SVOPL: variants seen among roughly 807,000 people sequenced by gnomAD.
SVOPL encodes the protein SVOP like, also known as putative transporter SVOPL.
SVOPL carries 60 observed loss-of-function variants against 61.0 expected under a neutral mutation model. The ratio of observed to expected loss-of-function variants is 0.98; its 90% CI spans 0.80 to 1.22. The LOEUF (loss-of-function observed/expected upper bound fraction) is 1.22. Ranked by LOEUF, SVOPL falls within the 50% of genes most tolerant of loss-of-function variation. The probability of loss-of-function intolerance (pLI) is 0.00; values close to 1 mark genes in which losing one functional copy is unlikely to be tolerated. For synonymous variants in SVOPL, 279 were observed against 250.0 expected, an observed-to-expected ratio of 1.12 and a Z score of -1.09; for missense variants, 662 against 643.9, an observed-to-expected ratio of 1.03 and a Z score of -0.30.
intron 1 of SVOPL, among the ~76,000 whole-genome samples, chr7:138,681,274 T>C (rs1476737270): frequency 6.7e-6 from 1 of 148,212 alleles, no homozygotes; most frequent in East Asian, 1.9e-4. Context: ...CCAGGCACTT[T>C]AGGTGACAAA....
chr7:138,603,937 C>G (rs1417502646), intron 14 of SVOPL, among the ~76,000 whole-genome samples: 1 of 145,368 alleles, frequency 6.9e-6, no homozygotes, highest in Non-Finnish European at 1.5e-5. Context: ...ATTTCTGTCT[C>G]AAAAACCTTA....
chr7:138,622,250 CTATGT>C (rs1563096761), intron 13 of SVOPL, among the ~76,000 whole-genome samples: 1 of 73,476 alleles, frequency 1.4e-5, no homozygotes, highest in Non-Finnish European at 2.9e-5. Flanking sequence ...ATCTATCTAT[CTATGT>C]ATCTATCTAT....
intron 14 of SVOPL, among the ~76,000 whole-genome samples, chr7:138,612,458 A>G (rs1363057927): frequency 1.0e-5 from 1 of 96,722 alleles, no homozygotes; most frequent in African/African-American, 2.9e-5. Flanking sequence ...AAAAAAAAAA[A>G]AAAAAGAAAG....
intron 14 of SVOPL, among the ~76,000 whole-genome samples, chr7:138,617,149 T>C (rs1031025826): frequency 6.6e-6 from 1 of 152,122 alleles, no homozygotes; most frequent in African/African-American, 2.4e-5. Flanking sequence ...CTTATATTTT[T>C]AGTAGAGACG....
chr7:138,641,897 TAC>T (rs1800821693), intron 9 of SVOPL, among the ~76,000 whole-genome samples: 1 of 124,678 alleles, frequency 8.0e-6, no homozygotes, highest in Admixed American at 9.6e-5. Context: ...AATGGGTATA[TAC>T]AGTCAATGAG....
At chr7:138,660,150 A>G (rs1801941274) in intron 5 of SVOPL, 162 bp from the exon 6 acceptor site, 3 of 1,415,440 alleles carry the variant, frequency 2.1e-6, no homozygotes, top group Non-Finnish European at 2.8e-6. Context: ...CCAACAATAC[A>G]ATCCATGCCA....
intron 1 of SVOPL, among the ~76,000 whole-genome samples, chr7:138,697,611 CAAAAAAA>C (rs397890852): frequency 2.0e-4 from 14 of 70,556 alleles, no homozygotes; most frequent in Non-Finnish European, 3.4e-4. Context: ...GACCCTGCCT[CAAAAAAA>C]AAAAAAAAAA....
intron 14 of SVOPL, among the ~76,000 whole-genome samples, chr7:138,604,912 T>C (rs1200676066): frequency 6.6e-6 from 1 of 151,686 alleles, no homozygotes; most frequent in African/African-American, 2.4e-5. Flanking sequence ...TAAAAAATCA[T>C]GGCATTAAGA....
chr7:138,625,924 T>A, intron 13 of SVOPL, 45 bp downstream of exon 13: 1 of 1,595,378 alleles, frequency 6.3e-7, no homozygotes. Flanking sequence ...CCTAAGTAGC[T>A]CACCTTACAC....
chr7:138,616,889 C>A (rs923888454), intron 14 of SVOPL, among the ~76,000 whole-genome samples: 1 of 152,216 alleles, frequency 6.6e-6, no homozygotes, highest in Non-Finnish European at 1.5e-5. Flanking sequence ...CAGGCTCAAC[C>A]AAGTCTCACA....
chr7:138,654,175 A>G (rs1341716414), intron 7 of SVOPL, among the ~76,000 whole-genome samples: 1 of 151,910 alleles, frequency 6.6e-6, no homozygotes, highest in African/African-American at 2.4e-5. Context: ...GCACACAAAT[A>G]AACACTCAGA....
chr7:138,648,982 G>C (rs1030511605), intron 8 of SVOPL, 30 bp downstream of exon 8: 1 of 1,613,190 alleles, frequency 6.2e-7, no homozygotes, highest in Non-Finnish European at 8.5e-7. Flanking sequence ...AGGAGGAGGG[G>C]ACAGGAAGGA....
intron 14 of SVOPL, among the ~76,000 whole-genome samples, chr7:138,606,433 G>A (rs548019340): frequency 6.6e-6 from 1 of 152,234 alleles, no homozygotes; most frequent in African/African-American, 2.4e-5. Flanking sequence ...TATCTGCGTA[G>A]TTACTTGTGT....
At chr7:138,628,014 TG>T in intron 11 of SVOPL, 143 bp downstream of exon 11, 1 of 898,732 alleles carries the variant, frequency 1.1e-6, no homozygotes, top group Non-Finnish European at 1.7e-6. Context: ...CAATCCAAAC[TG>T]GAGATTTTTC....
At position 138,679,093 on chromosome 7, in the gene SVOPL, G is replaced by C; in HGVS notation, c.-34-14C>G. 6.7e-7 allele frequency: 1 copy of C among 1,490,512 alleles called. No individual in the cohort carries two copies. The highest frequency in any genetic ancestry group is 9.1e-7 in the Non-Finnish European group (1 of 1,093,190). 92.3% of individuals were successfully genotyped at this position (1,490,512 alleles called of 1,614,324 possible). The stretch of plus-strand genomic sequence containing the variant: ...CAAACAGCTTCCCTGGTGGAAGCAA[G>C]GGAGGGAAGAAGGAAAGAAATATAA... On this transcript the variant is annotated splice_polypyrimidine_tract_variant and intron_variant, in intron 1 of 15. Coordinates refer to ENST00000674285, the MANE Select transcript of SVOPL (RefSeq NM_001139456.2).
chr7:138,682,356 G>A (rs1295542456), intron 1 of SVOPL, among the ~76,000 whole-genome samples: 2 of 152,154 alleles, frequency 1.3e-5, no homozygotes, highest in Non-Finnish European at 2.9e-5. Flanking sequence ...GCAACAGGAA[G>A]ACGTATACAA....
At position 138,621,032 on chromosome 7, in the gene SVOPL, G is replaced by A; in HGVS notation, c.1353+14C>T. On this transcript the variant is annotated intron_variant, in intron 14 of 15. Coordinates refer to ENST00000674285, the MANE Select transcript of SVOPL (RefSeq NM_001139456.2). ...CTCAGACTCTCTCTCTCCCTGCAGG[G>A]TCCTTGGCTGTACCTGGGATATAAA... 2 of 1,611,806 alleles carry A rather than the reference G, an allele frequency of 1.2e-6. No homozygotes were observed. Among genetic ancestry groups the A allele is most frequent in the Non-Finnish European group, 1.7e-6 (2 of 1,178,506 alleles).
At chr7:138,679,666 A>C (rs1802658049) in intron 1 of SVOPL, among the ~76,000 whole-genome samples, 1 of 152,098 alleles carries the variant, frequency 6.6e-6, no homozygotes, top group African/African-American at 2.4e-5. Context: ...GGGATGATAT[A>C]ATAATGGCAC....
At chr7:138,634,470 C>T (rs529807678) in intron 9 of SVOPL, among the ~76,000 whole-genome samples, 4 of 149,154 alleles carry the variant, frequency 2.7e-5, no homozygotes, top group East Asian at 4.0e-4. Context: ...GAGACCCCGT[C>T]GCTACAAAAT....
Sources: gnomAD v4.1 joint callset for allele counts (sites outside exome capture counted in the v4.1 genomes callset) on GRCh38, gnomAD v4.1.1 for gene constraint, MANE v1.5 for transcripts, NCBI Gene and HGNC (gene_info 2026-07-23, HGNC 2026-07-21) for gene names.